The following KIAA1549 variants were observed in gnomAD, a reference collection of about 807,000 sequenced individuals.
KIAA1549 encodes the protein KIAA1549.
In KIAA1549, 70 loss-of-function variants were observed where a neutral mutation model predicts 156.4. The ratio of observed to expected loss-of-function variants is 0.45; its 90% confidence interval spans 0.37 to 0.55. The LOEUF (loss-of-function observed/expected upper bound fraction) is 0.55. Ranked by LOEUF, KIAA1549 falls within the 20% of genes least tolerant of loss-of-function variation. The pLI is 0.00. For synonymous variants in KIAA1549, 1,103 were observed against 1,066.4 expected (o/e 1.03, Z -0.67); for missense variants, 2,428 against 2,540.9 (o/e 0.96, Z 0.96).
chr7:138,922,957 T>TA lies in KIAA1549; in HGVS notation c.188-3520dup, dbSNP rs201338366. Among the ~76,000 whole-genome samples the TA allele has an allele frequency of 7.9e-3, 1,189 of 149,610 alleles. 21 individuals carry two copies. The highest frequency in any genetic ancestry group is 0.027 in the African/African-American group (1,119 of 40,720). ...CCAAAAAATCCCAAGGAGGGTGAATTAAAAAAAAAGAAAAATCCAAACCTA... is the reference window on the plus strand; with the variant it reads ...CCAAAAAATCCCAAGGAGGGTGAATTAAAAAAAAAAGAAAAATCCAAACCTA... On this transcript the variant is annotated intron_variant, in intron 1 of 19. Transcript: ENST00000422774.
At chr7:138,873,549 C>T (rs1810995019) in intron 12 of KIAA1549, among the ~76,000 whole-genome samples, 1 of 150,830 alleles carries the variant, frequency 6.6e-6, no homozygotes, top group African/African-American at 2.5e-5. Context: ...TCACTTTCCT[C>T]CAGGGTGGCA....
At chr7:138,931,810 CT>C (rs1788986537) in intron 1 of KIAA1549, among the ~76,000 whole-genome samples, 1 of 149,262 alleles carries the variant, frequency 6.7e-6, no homozygotes. Flanking sequence ...ATTTATCAGT[CT>C]TTTGTTATTG....
chr7:138,965,671 A>G (rs1814001357), intron 1 of KIAA1549, among the ~76,000 whole-genome samples: 1 of 152,206 alleles, frequency 6.6e-6, no homozygotes, highest in South Asian at 2.1e-4. Context: ...GCCAAACAAC[A>G]TGTAGAATAT....
In KIAA1549 at chr7:138,835,146, T is replaced by G. The variant is rs1809670209; in HGVS notation, c.*2760A>C. 1 of 221,444 alleles carries G rather than the reference T, an allele frequency of 4.5e-6. No homozygotes were observed. The highest frequency in any genetic ancestry group is 2.2e-5 in the African/African-American group (1 of 44,650). 13.7% of individuals were successfully genotyped at this position (221,444 alleles called of 1,614,324 possible). ...ACGCTGTCAACGCAAGGACCCTTCC[T>G]TTCAGTGGATGACGTGAACTTAATG... is the stretch of plus-strand genomic sequence containing the variant. On this transcript the variant is annotated 3_prime_UTR_variant, in exon 20 of 20. Coordinates refer to ENST00000422774, the MANE Select transcript of KIAA1549 (RefSeq NM_001164665.2).
intron 10 of KIAA1549, among the ~76,000 whole-genome samples, chr7:138,883,088 C>CAAA (rs1811289504): frequency 4.0e-5 from 2 of 49,748 alleles, no homozygotes; most frequent in Non-Finnish European, 7.4e-5. Context: ...CCCATCTCCC[C>CAAA]TAAAAAAAAA....
chr7:138,876,720 C>G (rs1310394334), intron 12 of KIAA1549, among the ~76,000 whole-genome samples: 1 of 152,198 alleles, frequency 6.6e-6, no homozygotes, highest in African/African-American at 2.4e-5. Context: ...CAGCCCATCT[C>G]CTGCCTCATC....
chr7:138,951,630 T>A (rs1813502691), intron 1 of KIAA1549, among the ~76,000 whole-genome samples: 2 of 152,174 alleles, frequency 1.3e-5, no homozygotes, highest in Admixed American at 6.5e-5. Context: ...AAACTAGTGA[T>A]TTAAAATGAG....
intron 19 of KIAA1549, among the ~76,000 whole-genome samples, chr7:138,838,847 C>G (rs1455651030): frequency 5.3e-5 from 8 of 152,072 alleles, no homozygotes; most frequent in African/African-American, 1.9e-4. Context: ...GAGCAGTGTT[C>G]CAAAGTGGAT....
chr7:138,916,790 CAT>C lies in KIAA1549; in HGVS notation c.2834_2835del (p.Tyr945CysfsTer3), dbSNP rs1182754295. On this transcript the variant is annotated frameshift_variant, in exon 2 of 20. Coordinates refer to ENST00000422774, the MANE Select transcript of KIAA1549 (RefSeq NM_001164665.2). LOFTEE classifies it high-confidence loss of function. ...GCATCGGGGACTGTGATATCACAAA[CAT>C]ATGGCGGCTTGGCAGTAGCCAGTGT... is the stretch of plus-strand genomic sequence containing the variant. ...TPTLATAKPP[Y>X]VCDITVPDAY... 1 of 1,613,850 alleles carries C rather than the reference CAT, an allele frequency of 6.2e-7. No individual in the cohort carries two copies. The highest frequency in any genetic ancestry group is 8.5e-7 in the Non-Finnish European group (1 of 1,179,890).
chr7:138,911,025 C>T, intron 4 of KIAA1549, 121 bp downstream of exon 4: 1 of 809,744 alleles, frequency 1.2e-6, no homozygotes, highest in South Asian at 2.2e-5. Flanking sequence ...GACTGAGATC[C>T]TGTCTCTAAA....
At position 138,881,471 on chromosome 7, in the gene KIAA1549, C is replaced by T; in HGVS notation, c.4146G>A (p.Lys1382=). Residue 1382 remains lysine, a synonymous_variant, in exon 11 of 20, where the codon AAG becomes AAA. Coordinates refer to ENST00000422774, the MANE Select transcript of KIAA1549 (RefSeq NM_001164665.2). Reference sequence around the variant, plus strand: ...CATTTTCCGAGGGCGTGGTGTGGTCCTTCAGAGGTCCTGGCAGTGGCGCTG... The same window carrying T: ...CATTTTCCGAGGGCGTGGTGTGGTCTTTCAGAGGTCCTGGCAGTGGCGCTG... ...HEPAPLPGPL[K]DHTTPSENGD... 6.2e-7 allele frequency: 1 copy of T among 1,614,026 alleles called. No individual in the cohort carries two copies. The highest frequency in any genetic ancestry group is 8.5e-7 in the Non-Finnish European group (1 of 1,179,902).
Position 138,918,257 on chromosome 7 carries a change from C to T in KIAA1549, c.1369G>A (p.Glu457Lys). Residue 457 changes from glutamate (E) to lysine (K), a missense_variant, in exon 2 of 20, where the codon GAA becomes AAA. Physicochemically the swap from Glu to Lys is moderately conservative, Grantham distance 56. Transcript: ENST00000422774. This position sits in a 1 kb window ranked among gnomAD's most constrained non-coding sequence, Gnocchi z 4.2. ...GAETLCMTVL[E>K]ESSISLMSSV... Reference sequence around the variant, plus strand: ...CTCATTAGAGAGATGCTGCTTTCTTCCAGCACGGTCATGCACAGAGTCTCG... The same window carrying T: ...CTCATTAGAGAGATGCTGCTTTCTTTCAGCACGGTCATGCACAGAGTCTCG... 1 of 1,613,984 alleles carries T rather than the reference C, an allele frequency of 6.2e-7. No individual in the cohort carries two copies. The highest frequency in any genetic ancestry group is 8.5e-7 in the Non-Finnish European group (1 of 1,179,874).
chr7:138,971,887 G>A lies in KIAA1549; in HGVS notation c.187+9196C>T, dbSNP rs149511020. 4.9e-4 allele frequency among the ~76,000 whole-genome samples: 74 copies of A among 152,332 alleles called. No homozygotes were observed. In the East Asian group the frequency reaches 9.2e-3, roughly 19 times the overall value. On this transcript the variant is annotated intron_variant, in intron 1 of 19. Coordinates refer to ENST00000422774, the MANE Select transcript of KIAA1549 (RefSeq NM_001164665.2). ...TGAGCACACAGGCTTTGACTCAGACGTGGAGCGTAATGAAAACCATGGGGG... is the reference window on the plus strand; with the variant it reads ...TGAGCACACAGGCTTTGACTCAGACATGGAGCGTAATGAAAACCATGGGGG...
At chr7:138,946,741 T>C (rs112339029) in intron 1 of KIAA1549, among the ~76,000 whole-genome samples, 3,499 of 152,318 alleles carry the variant, frequency 0.023, 66 homozygotes, top group Admixed American at 0.038. Context: ...ATCACGCCAC[T>C]GGACTCCAGC....
At chr7:138,865,825 C>G in intron 15 of KIAA1549, among the ~76,000 whole-genome samples, 1 of 152,156 alleles carries the variant, frequency 6.6e-6, no homozygotes, top group East Asian at 1.9e-4. Flanking sequence ...AAAACTCAAT[C>G]ATTTAAAAAA....
chr7:138,945,180 C>T (rs1813302258), intron 1 of KIAA1549, among the ~76,000 whole-genome samples: 1 of 152,146 alleles, frequency 6.6e-6, no homozygotes, highest in Non-Finnish European at 1.5e-5. Context: ...CTCAGAATCA[C>T]CCAGGGATCT....
chr7:138,873,599 T>TAAAA lies in KIAA1549; in HGVS notation c.4346-2241_4346-2238dup, dbSNP rs57051860. On this transcript the variant is annotated intron_variant, in intron 12 of 19. Transcript: ENST00000422774. ...GCTGGGAGACAAAGGTGACAGGCATTAAAAAAAAAAAAAAAAAAAGGCCCC... is the reference window on the plus strand; with the variant it reads ...GCTGGGAGACAAAGGTGACAGGCATTAAAAAAAAAAAAAAAAAAAAAAAGGCCCC... Among the ~76,000 whole-genome samples the TAAAA allele has an allele frequency of 4.4e-3, 465 of 105,736 alleles. 5 individuals are homozygous for TAAAA. The highest frequency in any genetic ancestry group is 0.017 in the African/African-American group (441 of 26,704). The allele number at this position is 105,736 out of a possible 152,430, so 69.4% of individuals were successfully genotyped here.
chr7:138,850,293 C>T (rs768255497), intron 17 of KIAA1549, among the ~76,000 whole-genome samples: 6 of 152,140 alleles, frequency 3.9e-5, no homozygotes, highest in South Asian at 2.1e-4. Flanking sequence ...CCTTCCACAA[C>T]AGTTGAACTA....
At chr7:138,949,922 C>G (rs1469347030) in intron 1 of KIAA1549, among the ~76,000 whole-genome samples, 1 of 152,236 alleles carries the variant, frequency 6.6e-6, no homozygotes, top group Non-Finnish European at 1.5e-5. Flanking sequence ...CGGTGCCAAG[C>G]CCCACAATCT....
Sources: allele counts gnomAD v4.1 joint callset (sites outside exome capture counted in the v4.1 genomes callset), GRCh38; gene constraint gnomAD v4.1.1; non-coding constraint Gnocchi (gnomAD v3.1); transcripts MANE v1.5; gene names NCBI Gene and HGNC (gene_info 2026-07-23, HGNC 2026-07-21).